CSRP2: variants seen among roughly 807,000 people sequenced by gnomAD.
The protein encoded by CSRP2 is cysteine and glycine rich protein 2.
In CSRP2, 18 loss-of-function variants were observed where a neutral mutation model predicts 24.6. That is an observed-to-expected ratio of 0.73 (90% CI 0.51 to 1.09). CSRP2 has a LOEUF of 1.09. Ranked by LOEUF, CSRP2 falls within the 50% of genes least tolerant of loss-of-function variation. The probability of loss-of-function intolerance (pLI) is 0.00; values close to 1 mark genes in which losing one functional copy is unlikely to be tolerated. For synonymous variants in CSRP2, 87 were observed against 84.3 expected (o/e 1.03, Z -0.18); for missense variants, 215 against 239.4 (o/e 0.90, Z 0.67).
At position 76,859,018 on chromosome 12, in the gene CSRP2, T is replaced by C. The variant is rs911929657; in HGVS notation, c.516A>G (p.Ala172=). 2 of 1,614,088 alleles carry C rather than the reference T, an allele frequency of 1.2e-6. No homozygotes were observed. The highest frequency in any genetic ancestry group is 2.2e-5 in the South Asian group (2 of 91,090). ...CAAATCCCTTGGGCCCAAAGTTCTT[T>C]GCATAGCATCCTACAAAGGAAAGGG... is the stretch of plus-strand genomic sequence containing the variant. The part of the protein sequence containing the change: ...EGEIYCKGCY[A]KNFGPKGFGY... The change falls in exon 6 of 6, where the codon GCA becomes GCG. Residue 172 remains alanine (A), a synonymous_variant. Transcript: ENST00000311083.
chr12:76,873,578 G>A (rs1953823440), intron 1 of CSRP2, among the ~76,000 whole-genome samples: 1 of 152,142 alleles, frequency 6.6e-6, no homozygotes, highest in South Asian at 2.1e-4. Context: ...GTAAGAACAC[G>A]CGTTTGGAGT....
chr12:76,861,381 TAA>T (rs1418843379), intron 3 of CSRP2: 41 of 139,100 alleles, frequency 2.9e-4, no homozygotes, highest in African/African-American at 7.5e-4. Context: ...TTTTTTTTTT[TAA>T]AAAAAGGAGG....
At chr12:76,864,326 A>C (rs74400109) in intron 2 of CSRP2, 24,423 of 152,164 alleles carry the variant, frequency 0.16, 2,236 homozygotes, top group Non-Finnish European at 0.2. Flanking sequence ...GGTTACCAGA[A>C]GCTCGGAAGG....
At chr12:76,859,886 CA>C (rs1027965458) in intron 4 of CSRP2, among the ~76,000 whole-genome samples, 31 of 152,176 alleles carry the variant, frequency 2.0e-4, no homozygotes, top group African/African-American at 7.2e-4. Flanking sequence ...TTAAAGAGAC[CA>C]TCTTTTTTCT....
At chr12:76,862,468 G>A (rs1048168969) in intron 3 of CSRP2, 10 of 164,652 alleles carry the variant, frequency 6.1e-5, no homozygotes, top group Non-Finnish European at 1.0e-4. Context: ...TTGAACCTGG[G>A]AGGCAGAGGT....
chr12:76,867,423 T>G (rs1953746519), intron 1 of CSRP2, among the ~76,000 whole-genome samples: 1 of 151,092 alleles, frequency 6.6e-6, no homozygotes, highest in Non-Finnish European at 1.5e-5. Context: ...GGCAGGAGAA[T>G]TGCTTGAACC....
At chr12:76,865,374 A>T (rs1036630492) in intron 2 of CSRP2, among the ~76,000 whole-genome samples, 2 of 152,184 alleles carry the variant, frequency 1.3e-5, no homozygotes, top group Non-Finnish European at 2.9e-5. Flanking sequence ...CCTATGTAGT[A>T]TTTTTATTTT....
At position 76,859,911 on chromosome 12, in the gene CSRP2, G is replaced by A. The variant is rs78105474; in HGVS notation, c.412-271C>T. On this transcript the variant is annotated intron_variant, in intron 4 of 5. Coordinates refer to ENST00000311083, the MANE Select transcript of CSRP2 (RefSeq NM_001321.3). ...CATCTTTTTTCTGGCCAAGAACAGC[G>A]CAGCTCAAAGAGGTTAGCTGGTAAC... 3.8e-4 allele frequency among the ~76,000 whole-genome samples: 58 copies of A among 152,268 alleles called. 1 individual carries two copies. The East Asian group carries it at 5.4e-3, about 14-fold the overall frequency.
chr12:76,860,220 G>A (rs1414358690), intron 4 of CSRP2, 64 bp downstream of exon 4: 149 of 1,569,984 alleles, frequency 9.5e-5, no homozygotes, highest in Non-Finnish European at 1.3e-4. Flanking sequence ...AATGTGGAAG[G>A]GTTAGGGGAG....
At chr12:76,871,006 T>C (rs995698859) in intron 1 of CSRP2, among the ~76,000 whole-genome samples, 1 of 137,328 alleles carries the variant, frequency 7.3e-6, no homozygotes, top group Non-Finnish European at 1.6e-5. Flanking sequence ...AAAAAGTGGA[T>C]GGTGATAGTT....
intron 1 of CSRP2, among the ~76,000 whole-genome samples, chr12:76,871,743 G>A (rs1592513161): frequency 1.4e-5 from 2 of 142,936 alleles, no homozygotes; most frequent in South Asian, 2.3e-4. Flanking sequence ...CCGCCTGGGT[G>A]AAACTGCAAG....
intron 2 of CSRP2, 180 bp downstream of exon 2, chr12:76,865,969 G>T: frequency 1.7e-6 from 1 of 586,898 alleles, no homozygotes; most frequent in Non-Finnish European, 3.0e-6. Context: ...GGTGTCTTGG[G>T]CCACCCCTCC....
At position 76,858,991 on chromosome 12, in the gene CSRP2, G is replaced by C; in HGVS notation, c.543C>G (p.Gly181=). The C allele has an allele frequency of 1.9e-6, 3 of 1,614,206 alleles. No individual in the cohort carries two copies. In the South Asian group the frequency reaches 3.3e-5, roughly 18 times the overall value. ...YAKNFGPKGF[G]YGQGAGALVH... ...CAAGAGCCCCTGCTCCTTGGCCATAGCCAAATCCCTTGGGCCCAAAGTTCT... is the reference window on the plus strand; with the variant it reads ...CAAGAGCCCCTGCTCCTTGGCCATACCCAAATCCCTTGGGCCCAAAGTTCT... Residue 181 remains glycine (G), a synonymous_variant, in exon 6 of 6, where the codon GGC becomes GGG. Transcript: ENST00000311083.
intron 1 of CSRP2, among the ~76,000 whole-genome samples, chr12:76,872,002 A>C (rs1456428336): frequency 6.6e-6 from 1 of 152,164 alleles, no homozygotes; most frequent in African/African-American, 2.4e-5. Context: ...GCACTAAGCA[A>C]TCTGGGCTGC....
chr12:76,872,596 A>G (rs959484347), intron 1 of CSRP2, among the ~76,000 whole-genome samples: 4 of 152,336 alleles, frequency 2.6e-5, no homozygotes, highest in South Asian at 4.1e-4. Context: ...TTTGCATACT[A>G]AAAAGCTAGG....
intron 1 of CSRP2, among the ~76,000 whole-genome samples, chr12:76,871,178 T>A (rs375485964): frequency 5.6e-4 from 86 of 152,280 alleles, no homozygotes; most frequent in African/African-American, 2.0e-3. Context: ...AAAATGGGGA[T>A]AGGTAGCTCT....
intron 2 of CSRP2, chr12:76,864,288 A>G (rs1019867806): frequency 1.3e-5 from 2 of 152,200 alleles, no homozygotes; most frequent in Non-Finnish European, 2.9e-5. Flanking sequence ...TTAAAAGACA[A>G]TTGTATGATG....
At position 76,863,387 on chromosome 12, in the gene CSRP2, C is replaced by G. The variant is rs111467503; in HGVS notation, c.113-43G>C. On this transcript the variant is annotated intron_variant, in intron 2 of 5. Coordinates refer to ENST00000311083, the MANE Select transcript of CSRP2 (RefSeq NM_001321.3). ...AGACTTTACACATGTTCCAAAGATGCCTTTTTCCTTAGAACAATGGTGGCA... is the reference window on the plus strand; with the variant it reads ...AGACTTTACACATGTTCCAAAGATGGCTTTTTCCTTAGAACAATGGTGGCA... 10 of 1,594,704 alleles carry G rather than the reference C, an allele frequency of 6.3e-6. No individual in the cohort carries two copies. In the African/African-American group the frequency reaches 9.4e-5, roughly 15 times the overall value.
chr12:76,865,865 C>T (rs1162691263), intron 2 of CSRP2: 1 of 404,036 alleles, frequency 2.5e-6, no homozygotes, highest in African/African-American at 2.1e-5. Flanking sequence ...ACATAAGTGA[C>T]ACCCAGCACT....
Sources: gnomAD v4.1 joint callset for allele counts (sites outside exome capture counted in the v4.1 genomes callset) on GRCh38, gnomAD v4.1.1 for gene constraint, MANE v1.5 for transcripts, NCBI Gene and HGNC (gene_info 2026-07-23, HGNC 2026-07-21) for gene names.